ADHFE1: variants seen among roughly 807,000 people sequenced by gnomAD.
The protein encoded by ADHFE1 is hydroxyacid-oxoacid transhydrogenase, mitochondrial.
Under a neutral mutation model 54.8 loss-of-function variants are expected in ADHFE1, and 37 were observed. That is an observed-to-expected ratio of 0.68 (90% CI 0.52 to 0.89). ADHFE1 has a LOEUF of 0.89. ADHFE1 is among the 40% of genes least tolerant of loss of function. The pLI is 0.00. For synonymous variants in ADHFE1, 203 were observed against 229.3 expected, an observed-to-expected ratio of 0.89 and a Z score of 1.04; for missense variants, 601 against 591.2, an observed-to-expected ratio of 1.02 and a Z score of -0.17.
intron 13 of ADHFE1, among the ~76,000 whole-genome samples, chr8:66,467,799 GA>G (rs1423741475): frequency 6.6e-6 from 1 of 152,068 alleles, no homozygotes; most frequent in East Asian, 1.9e-4. Flanking sequence ...TTAGTTAATA[GA>G]AAAAAACGGA....
chr8:66,445,117 C>A, intron 5 of ADHFE1, 101 bp from the exon 6 acceptor site: 16 of 1,161,192 alleles, frequency 1.4e-5, no homozygotes, highest in South Asian at 1.7e-5. Flanking sequence ...AAAACAAAAA[C>A]AAAAAAAACC....
chr8:66,432,828 A>G, intron 1 of ADHFE1: 2 of 1,224,284 alleles, frequency 1.6e-6, no homozygotes, highest in Non-Finnish European at 2.0e-6. Flanking sequence ...AGGCCCAGAG[A>G]GGACCTGGTC....
intron 1 of ADHFE1, among the ~76,000 whole-genome samples, chr8:66,434,912 T>C (rs1805384502): frequency 6.6e-6 from 1 of 150,884 alleles, no homozygotes; most frequent in Non-Finnish European, 1.5e-5. Context: ...CTGGGAGGCA[T>C]AGTTTGCAGT....
chr8:66,453,084 T>C (rs942303717), intron 9 of ADHFE1, among the ~76,000 whole-genome samples: 2 of 152,176 alleles, frequency 1.3e-5, no homozygotes, highest in Admixed American at 1.3e-4. Context: ...ACAGCAGCAC[T>C]TGACTAGATC....
chr8:66,445,055 C>T (rs1007836099), intron 5 of ADHFE1, among the ~76,000 whole-genome samples, 163 bp from the exon 6 acceptor site: 5 of 151,874 alleles, frequency 3.3e-5, no homozygotes, highest in African/African-American at 1.2e-4. Context: ...GAGCGGAGAT[C>T]GTGCTACTGC....
intron 10 of ADHFE1, among the ~76,000 whole-genome samples, chr8:66,455,437 T>G (rs1445032816): frequency 6.6e-6 from 1 of 152,198 alleles, no homozygotes; most frequent in African/African-American, 2.4e-5. Context: ...CCATTGAACT[T>G]TAAAAATTAA....
At chr8:66,433,157 G>A (rs1158251806) in intron 1 of ADHFE1, among the ~76,000 whole-genome samples, 1 of 152,174 alleles carries the variant, frequency 6.6e-6, no homozygotes, top group African/African-American at 2.4e-5. Context: ...GAAATGTGAG[G>A]TACATCCTGG....
chr8:66,460,213 G>C (rs192382794), intron 12 of ADHFE1, 95 bp from the exon 13 acceptor site: 2 of 1,481,174 alleles, frequency 1.4e-6, no homozygotes, highest in Non-Finnish European at 1.9e-6. Context: ...GAGACCCCGT[G>C]GGTGTGCATG....
chr8:66,440,110 G>T, intron 1 of ADHFE1, 52 bp from the exon 2 acceptor site: 1 of 1,557,060 alleles, frequency 6.4e-7, no homozygotes. Flanking sequence ...TTCATTTTTT[G>T]GTCTCTATTT....
chr8:66,432,793 T>G lies in ADHFE1; in HGVS notation c.59+218T>G, dbSNP rs1805270914. 4.9e-6 allele frequency: 6 copies of G among 1,228,668 alleles called. No individual in the cohort carries two copies. The Admixed American group carries it at 1.3e-4, about 26-fold the overall frequency. The allele number at this position is 1,228,668 out of a possible 1,614,324, so 76.1% of individuals were successfully genotyped here. A position where few individuals can be genotyped will look rare whatever the true frequency, so the allele number is the denominator to read the frequency against. On this transcript the variant is annotated intron_variant, in intron 1 of 13. Transcript: ENST00000396623. ...GGGCGCAGTGAGGCAGCCTTTACTC[T>G]GCTTGTCTACCGTTAAAGAAACTGA...
rs199817177 is a variant in ADHFE1, at chr8:66,452,100, G to A, written c.882G>A (p.Leu294=). 1.2e-5 allele frequency: 19 copies of A among 1,614,044 alleles called. No individual in the cohort carries two copies. The South Asian group carries it at 2.0e-4, about 17-fold the overall frequency. ...IHALRIVAKY[L]KRAVRNPDDL... ...CGCTGCGGATCGTGGCTAAGTATCT[G>A]AAGAGGTATGTCACCCCGAAGGGGA... Residue 294 remains leucine (L), a synonymous_variant, in exon 9 of 14, where the codon CTG becomes CTA. Coordinates refer to ENST00000396623, the MANE Select transcript of ADHFE1 (RefSeq NM_144650.3).
At chr8:66,447,492 G>A (rs1806090574) in intron 7 of ADHFE1, 151 bp downstream of exon 7, 2 of 664,936 alleles carry the variant, frequency 3.0e-6, no homozygotes, top group Non-Finnish European at 5.1e-6. Flanking sequence ...CAGCAACAAA[G>A]TATTGTATAT....
At position 66,445,349 on chromosome 8, in the gene ADHFE1, A is replaced by T; in HGVS notation, c.485A>T (p.Asp162Val). 1.2e-6 allele frequency: 2 copies of T among 1,613,950 alleles called. No homozygotes were observed. Among genetic ancestry groups the T allele is most frequent in the Non-Finnish European group, 1.7e-6 (2 of 1,179,982 alleles). ...TCCAGCCCTCATTCTGATTTCCTAG[A>T]TTATGTCAGTGCCCCCATTGGCAAG... ...YASSPHSDFLDYVSAPIGKGK... is the reference protein window; with the variant it reads ...YASSPHSDFLVYVSAPIGKGK... Residue 162 changes from aspartate to valine, a missense_variant, in exon 6 of 14, where the codon GAT (aspartate) becomes GTT (valine). Transcript: ENST00000396623.
At chr8:66,468,243 G>T (rs749459225) in intron 13 of ADHFE1, 26 bp from the exon 14 acceptor site, 22 of 1,586,686 alleles carry the variant, frequency 1.4e-5, no homozygotes, top group Non-Finnish European at 1.9e-5. Context: ...AAAGCCCTGG[G>T]TAACTTCTTT....
At chr8:66,462,273 T>A (rs1806940283) in intron 13 of ADHFE1, among the ~76,000 whole-genome samples, 1 of 152,176 alleles carries the variant, frequency 6.6e-6, no homozygotes, top group Admixed American at 6.5e-5. Context: ...TCATAGTGAT[T>A]TTTTCCGGAG....
Position 66,439,794 on chromosome 8 carries a change from G to T in ADHFE1, c.60-368G>T. The T allele has an allele frequency of 3.7e-6, 4 of 1,070,220 alleles. No homozygotes were observed. Among genetic ancestry groups the T allele is most frequent in the Non-Finnish European group, 4.5e-6 (4 of 883,716 alleles). 66.3% of individuals were successfully genotyped at this position (1,070,220 alleles called of 1,614,324 possible). A position where few individuals can be genotyped will look rare whatever the true frequency, so the allele number is the denominator to read the frequency against. On this transcript the variant is annotated intron_variant, in intron 1 of 13. Coordinates refer to ENST00000396623, the MANE Select transcript of ADHFE1 (RefSeq NM_144650.3). This position sits in a 1 kb window ranked among gnomAD's most constrained non-coding sequence, Gnocchi z 4.4. ...AGGCACACAGAGTTAACCTTGGGCC[G>T]ATTTGGTCAACGCTCCTAACCCAGT...
intron 13 of ADHFE1, among the ~76,000 whole-genome samples, chr8:66,466,344 C>T (rs1033361052): frequency 6.6e-6 from 1 of 151,654 alleles, no homozygotes; most frequent in African/African-American, 2.4e-5. Flanking sequence ...CCTCAGCCTC[C>T]CAAAGTGCTG....
chr8:66,457,057 C>T lies in ADHFE1; in HGVS notation c.1066-13C>T, dbSNP rs760581259. On this transcript the variant is annotated splice_polypyrimidine_tract_variant and intron_variant, in intron 11 of 13. Coordinates refer to ENST00000396623, the MANE Select transcript of ADHFE1 (RefSeq NM_144650.3). ...TTGTCATCTGCCGGTCACCGCATTT[C>T]GTTTCTCCCCAGCCCCATGGCCTTT... 16 of 1,608,934 alleles carry T rather than the reference C, an allele frequency of 9.9e-6. No individual in the cohort carries two copies. The highest frequency in any genetic ancestry group is 3.3e-4 in the Middle Eastern group (2 of 5,978).
In ADHFE1 at chr8:66,463,227, G is replaced by A. The variant is rs182331962; in HGVS notation, c.1320+2762G>A. 2.6e-5 allele frequency among the ~76,000 whole-genome samples: 4 copies of A among 152,270 alleles called. No homozygotes were observed. In the East Asian group the frequency reaches 7.7e-4, roughly 29 times the overall value. ...AACACTAAAATAGCAACTTAATTAG[G>A]TATCATTCTGAATGCCTCAGTGCAC... is the stretch of plus-strand genomic sequence containing the variant. On this transcript the variant is annotated intron_variant, in intron 13 of 13. Coordinates refer to ENST00000396623, the MANE Select transcript of ADHFE1 (RefSeq NM_144650.3).
Sources: allele counts gnomAD v4.1 joint callset (sites outside exome capture counted in the v4.1 genomes callset), GRCh38; gene constraint gnomAD v4.1.1; non-coding constraint Gnocchi (gnomAD v3.1); transcripts MANE v1.5; gene names NCBI Gene and HGNC (gene_info 2026-07-23, HGNC 2026-07-21).